Variants in PTPRM observed in about 807,000 individuals in gnomAD.
PTPRM encodes the protein protein tyrosine phosphatase receptor type M.
In PTPRM, 47 loss-of-function variants were observed where a neutral mutation model predicts 186.7. The observed-to-expected ratio is 0.25, with a 90% CI of 0.20 to 0.32. The LOEUF is 0.32. PTPRM is among the 10% of genes least tolerant of loss of function. The pLI, the probability that PTPRM is intolerant of heterozygous loss-of-function variation, is 1.00. For synonymous variants in PTPRM, 668 were observed against 674.9 expected (o/e 0.99, Z 0.16); for missense variants, 1,494 against 1,865.0 (o/e 0.80, Z 3.66).
chr18:7,770,589 T>C (rs1185857099), intron 1 of PTPRM, among the ~76,000 whole-genome samples: 1 of 152,236 alleles, frequency 6.6e-6, no homozygotes, highest in Non-Finnish European at 1.5e-5. Context: ...ATGTTATCTC[T>C]GTTTTTTACA....
At chr18:8,388,024 G>T (rs1054031810) in intron 31 of PTPRM, among the ~76,000 whole-genome samples, 6 of 151,946 alleles carry the variant, frequency 3.9e-5, no homozygotes, top group Non-Finnish European at 7.4e-5. Flanking sequence ...CCAGACATGG[G>T]TGTTTTTTTT....
chr18:7,657,393 T>G (rs921051207), intron 1 of PTPRM, among the ~76,000 whole-genome samples: 10 of 152,186 alleles, frequency 6.6e-5, no homozygotes, highest in African/African-American at 2.4e-4. Context: ...GATGATAGAT[T>G]GAGGGAGACA....
intron 1 of PTPRM, among the ~76,000 whole-genome samples, chr18:7,758,286 A>G (rs2041605271): frequency 6.6e-6 from 1 of 152,254 alleles, no homozygotes; most frequent in Admixed American, 6.5e-5. Flanking sequence ...TCAAAGTTTC[A>G]GAACCACTGA....
intron 1 of PTPRM, among the ~76,000 whole-genome samples, chr18:7,630,256 G>C (rs910933986): frequency 6.6e-6 from 1 of 152,152 alleles, no homozygotes; most frequent in Non-Finnish European, 1.5e-5. Flanking sequence ...TGGTGGTGGA[G>C]AGGAGGAAAA....
In PTPRM at chr18:7,952,827, G is replaced by A. The variant is rs1022397875; in HGVS notation, c.839-2294G>A. 5.9e-5 allele frequency among the ~76,000 whole-genome samples: 9 copies of A among 152,254 alleles called. No homozygotes were observed. In the South Asian group the frequency reaches 1.9e-3, roughly 32 times the overall value. Reference sequence around the variant, plus strand: ...TCGAGACCAGCCCGGCCAACATGGTGAAACTCCATTTCTAGTAGAAATACA... The same window carrying A: ...TCGAGACCAGCCCGGCCAACATGGTAAAACTCCATTTCTAGTAGAAATACA... On this transcript the variant is annotated intron_variant, in intron 6 of 32. Transcript: ENST00000580170.
chr18:7,960,792 CAT>C (rs144957179), intron 7 of PTPRM, among the ~76,000 whole-genome samples: 11,856 of 151,834 alleles, frequency 0.078, 498 homozygotes, highest in South Asian at 0.16. Flanking sequence ...ACACACAACA[CAT>C]GTGTATACAA....
intron 13 of PTPRM, among the ~76,000 whole-genome samples, chr18:8,116,039 T>C (rs1386000731): frequency 6.6e-6 from 1 of 152,258 alleles, no homozygotes; most frequent in East Asian, 1.9e-4. Flanking sequence ...AGTGACTTTA[T>C]GTATAGAAAT....
chr18:7,938,103 T>C (rs2051941418), intron 5 of PTPRM, among the ~76,000 whole-genome samples: 1 of 152,202 alleles, frequency 6.6e-6, no homozygotes, highest in Non-Finnish European at 1.5e-5. Context: ...ATTACTACTT[T>C]ATTTATTTTA....
At chr18:8,270,864 G>T (rs981928444) in intron 19 of PTPRM, among the ~76,000 whole-genome samples, 1 of 152,150 alleles carries the variant, frequency 6.6e-6, no homozygotes, top group South Asian at 2.1e-4. Flanking sequence ...TGGAGATGTT[G>T]GTCAAAAGGT....
At chr18:7,871,462 A>G (rs2047981380) in intron 2 of PTPRM, among the ~76,000 whole-genome samples, 1 of 152,158 alleles carries the variant, frequency 6.6e-6, no homozygotes, top group Non-Finnish European at 1.5e-5. Context: ...TCGTGTTTTA[A>G]TTACTTAATT....
chr18:7,973,879 G>T (rs1192321084), intron 7 of PTPRM, among the ~76,000 whole-genome samples: 1 of 150,444 alleles, frequency 6.6e-6, no homozygotes, highest in Non-Finnish European at 1.5e-5. Flanking sequence ...TTCTAGTCTT[G>T]TTTTAGAAGA....
In PTPRM at chr18:8,215,605, T is replaced by C. The variant is rs370649638; in HGVS notation, c.2301-28453T>C. ...TCGCCCAGGCCGGAGTGCAGTGGTA[T>C]GATCTCAGCTCACTGCAGCCCATAC... On this transcript the variant is annotated intron_variant, in intron 14 of 32. Coordinates refer to ENST00000580170, the MANE Select transcript of PTPRM (RefSeq NM_001105244.2). Among the ~76,000 whole-genome samples the C allele has an allele frequency of 8.5e-4, 128 of 150,270 alleles. No homozygotes were observed. In the South Asian group the frequency reaches 0.027, roughly 31 times the overall value.
intron 1 of PTPRM, among the ~76,000 whole-genome samples, chr18:7,602,363 T>G (rs2037423054): frequency 6.6e-6 from 1 of 152,130 alleles, no homozygotes; most frequent in African/African-American, 2.4e-5. Flanking sequence ...AAGCTTTGGG[T>G]TTGGTTGGAT....
chr18:8,039,447 A>C (rs548343576), intron 7 of PTPRM, among the ~76,000 whole-genome samples: 1 of 152,288 alleles, frequency 6.6e-6, no homozygotes, highest in African/African-American at 2.4e-5. Flanking sequence ...GTTTGATTCT[A>C]TAATAAGTAT....
At chr18:8,069,455 C>T (rs1388293271) in intron 7 of PTPRM, among the ~76,000 whole-genome samples, 5 of 152,192 alleles carry the variant, frequency 3.3e-5, no homozygotes, top group Admixed American at 2.6e-4. Flanking sequence ...ATCTTATATG[C>T]CATTCATCAG....
chr18:8,167,138 A>T (rs2093335572), intron 14 of PTPRM, among the ~76,000 whole-genome samples: 1 of 152,250 alleles, frequency 6.6e-6, no homozygotes, highest in Non-Finnish European at 1.5e-5. Flanking sequence ...CATATGAAGC[A>T]TCTAAGTAGG....
chr18:7,685,483 A>G (rs190227594), intron 1 of PTPRM, among the ~76,000 whole-genome samples: 2 of 152,348 alleles, frequency 1.3e-5, no homozygotes, highest in East Asian at 3.9e-4. Flanking sequence ...AATGTGTATT[A>G]TAGGTGAGAC....
intron 9 of PTPRM, among the ~76,000 whole-genome samples, chr18:8,083,353 T>A (rs1224481075): frequency 6.6e-6 from 1 of 152,134 alleles, no homozygotes; most frequent in Non-Finnish European, 1.5e-5. Context: ...CCGACCTCCT[T>A]TCTGTTCATA....
Position 7,955,113 on chromosome 18 carries a change from T to C in PTPRM, c.839-8T>C. On this transcript the variant is annotated splice_polypyrimidine_tract_variant and splice_region_variant and intron_variant, in intron 6 of 32. Transcript: ENST00000580170. The stretch of plus-strand genomic sequence containing the variant: ...ATCTGAAAGACAGCTTTCTGGTTTG[T>C]CTTTCAGAACCACCCGTTCCTATTG... 6.3e-7 allele frequency: 1 copy of C among 1,584,696 alleles called. No homozygotes were observed. Among genetic ancestry groups the C allele is most frequent in the Non-Finnish European group, 8.6e-7 (1 of 1,160,486 alleles).
Sources: allele counts gnomAD v4.1 joint callset (sites outside exome capture counted in the v4.1 genomes callset), GRCh38; gene constraint gnomAD v4.1.1; transcripts MANE v1.5; gene names NCBI Gene and HGNC (gene_info 2026-07-23, HGNC 2026-07-21).